The following LRRC15 variants were observed in gnomAD, a reference collection of about 807,000 sequenced individuals.
LRRC15 encodes the protein leucine rich repeat containing 15.
In LRRC15, 5 loss-of-function variants were observed where a neutral mutation model predicts 4.3. That is an observed-to-expected ratio of 1.16 (90% confidence interval 0.61 to 2.44). The LOEUF (loss-of-function observed/expected upper bound fraction) is 2.44, where lower values mean the gene tolerates loss of function less well. Ranked by LOEUF, LRRC15 falls within the 30% of genes most tolerant of loss-of-function variation. The pLI, the probability that LRRC15 is intolerant of heterozygous loss-of-function variation, is 0.01. For missense variants in LRRC15, 769 were observed against 747.0 expected (o/e 1.03, Z -0.34); for synonymous variants, 337 against 323.2 (o/e 1.04, Z -0.46).
At chr3:194,367,585 C>T (rs542616982) in intron 1 of LRRC15, among the ~76,000 whole-genome samples, 2 of 152,332 alleles carry the variant, frequency 1.3e-5, no homozygotes, top group Non-Finnish European at 2.9e-5. Flanking sequence ...AGATTACAGG[C>T]GTGAGCCACC....
Position 194,360,828 on chromosome 3 carries a change from C to T in LRRC15, c.216G>A (p.Pro72=), listed in dbSNP as rs749330705. The change falls in exon 2 of 2, where the codon CCG becomes CCA. Residue 72 remains proline (P), a synonymous_variant. Transcript: ENST00000347624. ...CGATGAGGGCTGAGATATTGAGGAA[C>T]GGGGACTCATTGAGTTCAGTGATGT... is the stretch of plus-strand genomic sequence containing the variant. The part of the protein sequence containing the change: ...NTHITELNES[P]FLNISALIAL... 4 of 1,613,884 alleles carry T rather than the reference C, an allele frequency of 2.5e-6. No homozygotes were observed. The highest frequency in any genetic ancestry group is 2.2e-5 in the East Asian group (1 of 44,884).
At position 194,360,467 on chromosome 3, in the gene LRRC15, A is replaced by T; in HGVS notation, c.577T>A (p.Phe193Ile). The T allele has an allele frequency of 6.2e-7, 1 of 1,614,114 alleles. No homozygotes were observed. Among genetic ancestry groups the T allele is most frequent in the Non-Finnish European group, 8.5e-7 (1 of 1,180,010 alleles). ...NSLTHISPRV[F>I]QHLGNLQVLR... ...ACCTGGAGGTTGCCCAGGTGCTGGAAGACCCTGGGTGAGATGTGGGTGAGG... is the reference window on the plus strand; with the variant it reads ...ACCTGGAGGTTGCCCAGGTGCTGGATGACCCTGGGTGAGATGTGGGTGAGG... Residue 193 changes from phenylalanine (F) to isoleucine (I), a missense_variant, in exon 2 of 2, where the codon TTC becomes ATC. Coordinates refer to ENST00000347624, the MANE Select transcript of LRRC15 (RefSeq NM_130830.5).
In LRRC15 at chr3:194,359,763, A is replaced by G. The variant is rs145196127; in HGVS notation, c.1281T>C (p.Cys427=). Residue 427 remains cysteine (C), a synonymous_variant, in exon 2 of 2, where the codon TGT becomes TGC. Transcript: ENST00000347624. ...TGCGGAGCGGAAGGATGTCTGAGTC[A>G]CACCTCCAGGGATTGTCATACAGCC... ...ELRLYDNPWR[C]DSDILPLRNW... 4 of 1,614,108 alleles carry G rather than the reference A, an allele frequency of 2.5e-6. No homozygotes were observed. Among genetic ancestry groups the G allele is most frequent in the Non-Finnish European group, 3.4e-6 (4 of 1,180,020 alleles).
In LRRC15 at chr3:194,360,693, G is replaced by A. The variant is rs200944823; in HGVS notation, c.351C>T (p.Pro117=). 136 of 1,614,214 alleles carry A rather than the reference G, an allele frequency of 8.4e-5. No homozygotes were observed. The Middle Eastern group carries it at 3.6e-3, about 43-fold the overall frequency. Residue 117 remains proline (P), a synonymous_variant, in exon 2 of 2, where the codon CCC becomes CCT. Transcript: ENST00000347624. ...TGTCCAGGCCCTGGAAGAGGCCGAT[G>A]GGCAGAACCTGCAGCTTGTTGTTGG... is the stretch of plus-strand genomic sequence containing the variant. ...SLANNKLQVL[P]IGLFQGLDSL... is the part of the protein sequence containing the mutation.
chr3:194,355,776 T>C lies in LRRC15; in HGVS notation c.*3522A>G, dbSNP rs1202135582. ...AGTTTGGAAGTTCTTTCCCAATAGC[T>C]CTACATCAGCATCTGAAAGGTTGTG... On this transcript the variant is annotated 3_prime_UTR_variant, in exon 2 of 2. Transcript: ENST00000347624. The C allele has an allele frequency of 6.6e-6, 1 of 152,180 alleles. No individual in the cohort carries two copies. Among genetic ancestry groups the C allele is most frequent in the East Asian group, 1.9e-4 (1 of 5,194 alleles). 9.4% of individuals were successfully genotyped at this position (152,180 alleles called of 1,614,324 possible). A position where few individuals can be genotyped will look rare whatever the true frequency, so the allele number is the denominator to read the frequency against.
Position 194,359,665 on chromosome 3 carries a change from C to T in LRRC15, c.1379G>A (p.Arg460Gln), listed in dbSNP as rs1203616195. The T allele has an allele frequency of 8.7e-6, 14 of 1,614,020 alleles. No homozygotes were observed. The highest frequency in any genetic ancestry group is 4.5e-5 in the East Asian group (2 of 44,898). Residue 460 changes from arginine to glutamine, a missense_variant, in exon 2 of 2, where the codon CGA becomes CAA. By Grantham distance (43) the Arg-to-Gln change is conservative (BLOSUM62 1). Transcript: ENST00000347624. Reference protein sequence around the residue: ...VPVCFSPANVRGQSLIIINVN... With the variant: ...VPVCFSPANVQGQSLIIINVN... ...ATTGATGATAATGAGGGACTGGCCT[C>T]GGACATTGGCTGGGCTGAAACACAC...
At chr3:194,368,967 G>A (rs1040956813) in intron 1 of LRRC15, among the ~76,000 whole-genome samples, 6 of 152,220 alleles carry the variant, frequency 3.9e-5, no homozygotes, top group Admixed American at 2.6e-4. Flanking sequence ...AGAGGCCGAC[G>A]CTTCCAGCAG....
intron 1 of LRRC15, among the ~76,000 whole-genome samples, chr3:194,361,804 A>G (rs1200628190): frequency 1.3e-5 from 2 of 152,192 alleles, no homozygotes; most frequent in African/African-American, 4.8e-5. Context: ...TCACTTAGCC[A>G]TCTGCTAGCC....
At chr3:194,368,199 T>C (rs1713834790) in intron 1 of LRRC15, among the ~76,000 whole-genome samples, 1 of 152,218 alleles carries the variant, frequency 6.6e-6, no homozygotes, top group Non-Finnish European at 1.5e-5. Context: ...GTGGTCAGGA[T>C]TCAGGGCAGC....
Position 194,360,469 on chromosome 3 carries a change from A to C in LRRC15, c.575T>G (p.Val192Gly). The C allele has an allele frequency of 6.2e-7, 1 of 1,614,054 alleles. No homozygotes were observed. Among genetic ancestry groups the C allele is most frequent in the Non-Finnish European group, 8.5e-7 (1 of 1,179,984 alleles). ...CTGGAGGTTGCCCAGGTGCTGGAAG[A>C]CCCTGGGTGAGATGTGGGTGAGGCT... ...KNSLTHISPR[V>G]FQHLGNLQVL... The change falls in exon 2 of 2, where the codon GTC becomes GGC. Residue 192 changes from valine to glycine, a missense_variant. Val to Gly is a moderately radical substitution (Grantham distance 109). Transcript: ENST00000347624.
chr3:194,364,056 G>A (rs967468910), intron 1 of LRRC15, among the ~76,000 whole-genome samples: 2 of 152,100 alleles, frequency 1.3e-5, no homozygotes, highest in African/African-American at 4.8e-5. Context: ...CACAGAGGGA[G>A]TAAGCTCACT....
intron 1 of LRRC15, among the ~76,000 whole-genome samples, chr3:194,366,006 CAG>C (rs1713762947): frequency 6.6e-6 from 1 of 152,194 alleles, no homozygotes; most frequent in Admixed American, 6.5e-5. Context: ...GCCTTGTCTG[CAG>C]AGAGATGTCA....
chr3:194,360,423 G>A lies in LRRC15; in HGVS notation c.621C>T (p.Asn207=), dbSNP rs775198995. 15 of 1,614,098 alleles carry A rather than the reference G, an allele frequency of 9.3e-6. No individual in the cohort carries two copies. The highest frequency in any genetic ancestry group is 1.2e-5 in the Non-Finnish European group (14 of 1,180,052). The stretch of plus-strand genomic sequence containing the variant: ...TGCCCATGGGGATATCCGTGAGCCT[G>A]TTCTCATACAGCCGGAGGACCTGGA... ...GNLQVLRLYE[N]RLTDIPMGTF... Residue 207 remains asparagine (N), a synonymous_variant, in exon 2 of 2, where the codon AAC becomes AAT. Coordinates refer to ENST00000347624, the MANE Select transcript of LRRC15 (RefSeq NM_130830.5).
Position 194,360,482 on chromosome 3 carries a change from T to G in LRRC15, c.562A>C (p.Ile188Leu). ...AGGTGCTGGAAGACCCTGGGTGAGA[T>G]GTGGGTGAGGCTATTCTTGCCCAGA... The part of the protein sequence containing the change: ...LNLGKNSLTH[I>L]SPRVFQHLGN... Residue 188 changes from isoleucine (I) to leucine (L), a missense_variant, in exon 2 of 2, where the codon ATC becomes CTC. Physicochemically the swap from Ile to Leu is conservative, Grantham distance 5. Transcript: ENST00000347624. 1 of 1,613,996 alleles carries G rather than the reference T, an allele frequency of 6.2e-7. No homozygotes were observed. Among genetic ancestry groups the G allele is most frequent in the South Asian group, 1.1e-5 (1 of 91,068 alleles).
In LRRC15 at chr3:194,359,389, G is replaced by T. The variant is rs1027904537; in HGVS notation, c.1655C>A (p.Ala552Asp). The T allele has an allele frequency of 6.2e-7, 1 of 1,614,146 alleles. No homozygotes were observed. The highest frequency in any genetic ancestry group is 8.5e-7 in the Non-Finnish European group (1 of 1,180,040). The change falls in exon 2 of 2, where the codon GCC (alanine) becomes GAC (aspartate). Residue 552 changes from alanine (A) to aspartate (D), a missense_variant. Transcript: ENST00000347624. ...AAIVIGIVAL[A>D]CSLAACVGCC... ...GCCGACGCAGGCAGCCAGGGAGCAGGCCAGGGCGACAATGCCAATTACAAT... is the reference window on the plus strand; with the variant it reads ...GCCGACGCAGGCAGCCAGGGAGCAGTCCAGGGCGACAATGCCAATTACAAT...
rs9682540 is a variant in LRRC15, at chr3:194,359,919, G to A, written c.1125C>T (p.Asn375=). The change falls in exon 2 of 2, where the codon AAC becomes AAT. Residue 375 remains asparagine (N), a synonymous_variant. Transcript: ENST00000347624. ...ANLQNISLQN[N]RLRQLPGNIF... is the part of the protein sequence containing the mutation. ...TATTCCCTGGGAGCTGTCTGAGGCG[G>A]TTGTTCTGCAGGGAGATGTTCTGCA... is the stretch of plus-strand genomic sequence containing the variant. 0.24 allele frequency: 386,335 copies of A among 1,613,902 alleles called. 48,844 individuals carry two copies. Among genetic ancestry groups the A allele is most frequent in the Non-Finnish European group, 0.26 (311,605 of 1,179,884 alleles).
At chr3:194,366,970 C>T (rs1240328475) in intron 1 of LRRC15, among the ~76,000 whole-genome samples, 1 of 151,932 alleles carries the variant, frequency 6.6e-6, no homozygotes, top group Non-Finnish European at 1.5e-5. Context: ...ACACGCCTGG[C>T]AGGGCCTGGG....
At chr3:194,368,226 T>A (rs745648271) in intron 1 of LRRC15, among the ~76,000 whole-genome samples, 1 of 152,206 alleles carries the variant, frequency 6.6e-6, no homozygotes, top group African/African-American at 2.4e-5. Context: ...CCATGTGTGA[T>A]CACAGTCTGC....
rs767968232 is a variant in LRRC15 at position 194,360,792 on chromosome 3, A to C, written c.252T>G (p.Ile84Met). 6.2e-7 allele frequency: 1 copy of C among 1,614,236 alleles called. No individual in the cohort carries two copies. Among genetic ancestry groups the C allele is most frequent in the Admixed American group, 1.7e-5 (1 of 60,024 alleles). ...LNISALIALR[I>M]EKNELSRITP... ...TGATGCGCGACAGCTCATTCTTCTC[A>C]ATCCTCAGGGCGATGAGGGCTGAGA... Residue 84 changes from isoleucine (I) to methionine (M), a missense_variant, in exon 2 of 2, where the codon ATT (isoleucine) becomes ATG (methionine). Ile to Met is a conservative substitution (Grantham distance 10). Transcript: ENST00000347624.
Sources: gnomAD v4.1 joint callset for allele counts (sites outside exome capture counted in the v4.1 genomes callset) on GRCh38, gnomAD v4.1.1 for gene constraint, MANE v1.5 for transcripts, NCBI Gene and HGNC (gene_info 2026-07-23, HGNC 2026-07-21) for gene names.